Variants in FAM199X observed in about 807,000 individuals in gnomAD.
FAM199X encodes protein FAM199X.
In FAM199X, 4 loss-of-function variants were observed where a neutral mutation model predicts 22.9. The observed-to-expected ratio is 0.17, with a 90% confidence interval of 0.09 to 0.40. FAM199X has a LOEUF of 0.40. Among genes scored for constraint, FAM199X ranks in the 10% least tolerant of loss-of-function variants. The pLI is 1.00. For missense variants in FAM199X, 183 were observed against 306.8 expected (o/e 0.60, Z 3.01); for synonymous variants, 101 against 112.3 (o/e 0.90, Z 0.64).
upstream of FAM199X, among the ~76,000 whole-genome samples, chrX:104,164,396 T>C (rs1232002663): frequency 8.9e-6 from 1 of 112,366 alleles, no homozygotes; most frequent in African/African-American, 3.2e-5. Context: ...GCTAATTCAT[T>C]GTGAAAATAA....
At chrX:104,183,049 T>G (rs1241866564) in intron 2 of FAM199X, among the ~76,000 whole-genome samples, 1 of 111,332 alleles carries the variant, frequency 9.0e-6, no homozygotes, top group African/African-American at 3.3e-5. Context: ...TTAATTACCT[T>G]TTTTACACCC....
the FAM199X span, among the ~76,000 whole-genome samples, chrX:104,157,464 A>ACGC: frequency 3.6e-5 from 4 of 111,343 alleles, no homozygotes; most frequent in Non-Finnish European, 7.5e-5. Context: ...CCACTGTACC[A>ACGC]CTATCTAAAC....
intron 2 of FAM199X, among the ~76,000 whole-genome samples, chrX:104,179,798 A>G (rs900415826): frequency 9.0e-6 from 1 of 110,526 alleles, no homozygotes; most frequent in Non-Finnish European, 1.9e-5. Flanking sequence ...CTATATTCAT[A>G]AGGGATATTG....
Position 104,195,456 on chromosome X carries a change from T to G in FAM199X, c.*5678T>G, listed in dbSNP as rs1302396004. 3 of 111,936 alleles carry G rather than the reference T, an allele frequency of 2.7e-5. No homozygotes were observed. The highest frequency in any genetic ancestry group is 1.9e-4 in the Admixed American group (2 of 10,491). The allele number at this position is 111,936 out of a possible 1,213,427, so 9.2% of individuals were successfully genotyped here. A position where few individuals can be genotyped will look rare whatever the true frequency, so the allele number is the denominator to read the frequency against. On this transcript the variant is annotated 3_prime_UTR_variant, in exon 6 of 6. Transcript: ENST00000493442. Reference sequence around the variant, plus strand: ...ATCAGATTTCTAGAGAGAGCAGATTTCTAGAGAGATTAGCATTCATAGTAA... The same window carrying G: ...ATCAGATTTCTAGAGAGAGCAGATTGCTAGAGAGATTAGCATTCATAGTAA...
chrX:104,172,317 G>A (rs1297430834), intron 1 of FAM199X, among the ~76,000 whole-genome samples: 1 of 107,125 alleles, frequency 9.3e-6, no homozygotes. Context: ...TGCTGGGAAG[G>A]CTGAGGTGAG....
chrX:104,172,363 G>T (rs1014129234), intron 1 of FAM199X, among the ~76,000 whole-genome samples: 2 of 107,912 alleles, frequency 1.9e-5, no homozygotes, highest in Non-Finnish European at 3.8e-5. Context: ...AGCCTGCAGT[G>T]AGCCATGGTC....
chrX:104,175,604 T>C lies in FAM199X; in HGVS notation c.198-19T>C. ...GATTCTGTAGTTCTCTTGATTTCTTTCGTGTTGTGTTTTTGAAGGTGGAAC... is the reference window on the plus strand; with the variant it reads ...GATTCTGTAGTTCTCTTGATTTCTTCCGTGTTGTGTTTTTGAAGGTGGAAC... On this transcript the variant is annotated intron_variant, in intron 1 of 5. Transcript: ENST00000493442. 2 of 1,179,845 alleles carry C rather than the reference T, an allele frequency of 1.7e-6. No homozygotes were observed. The highest frequency in any genetic ancestry group is 2.3e-6 in the Non-Finnish European group (2 of 870,150).
intron 2 of FAM199X, among the ~76,000 whole-genome samples, chrX:104,182,572 T>C (rs1556378145): frequency 1.8e-5 from 2 of 111,834 alleles, no homozygotes; most frequent in Non-Finnish European, 3.8e-5. Flanking sequence ...TTAATCATAT[T>C]GACATATGAT....
intron 2 of FAM199X, among the ~76,000 whole-genome samples, chrX:104,184,147 A>G (rs1921735132): frequency 8.9e-6 from 1 of 112,365 alleles, no homozygotes; most frequent in African/African-American, 3.2e-5. Flanking sequence ...GTGTTATTGT[A>G]TTACTTTCCC....
Position 104,186,168 on chromosome X carries a change from C to G in FAM199X, c.520C>G (p.Arg174Gly), listed in dbSNP as rs781966952. The change falls in exon 3 of 6, where the codon CGG becomes GGG. Residue 174 changes from arginine to glycine, a missense_variant. Arg to Gly is a moderately radical substitution (Grantham distance 125). Around this residue, in one of 2 missense-constraint regions of FAM199X, gnomAD observed 128 missense variants for 246.2 expected, o/e 0.52. Coordinates refer to ENST00000493442, the MANE Select transcript of FAM199X (RefSeq NM_207318.4). ...CLLPKKKNKH[R>G]NLDELPWSAM... ...GCTTCCTAAAAAGAAAAACAAGCAC[C>G]GGAATTTAGATGAACTCCCTTGGAG... 1 of 1,210,502 alleles carries G rather than the reference C, an allele frequency of 8.3e-7. No homozygotes were observed. The highest frequency in any genetic ancestry group is 3.0e-5 in the East Asian group (1 of 33,805).
At chrX:104,175,966 C>G in intron 2 of FAM199X, 124 bp downstream of exon 2, 1 of 472,355 alleles carries the variant, frequency 2.1e-6, no homozygotes, top group South Asian at 4.2e-5. Flanking sequence ...CCTGGAGATT[C>G]TCTGACATGT....
chrX:104,186,737 G>A (rs1052544485), intron 4 of FAM199X, 116 bp downstream of exon 4: 27 of 643,638 alleles, frequency 4.2e-5, no homozygotes, highest in African/African-American at 2.5e-4. Context: ...TCACTGCTGC[G>A]AAAGGTAATA....
At chrX:104,184,641 T>A (rs1011474475) in intron 2 of FAM199X, among the ~76,000 whole-genome samples, 3 of 111,530 alleles carry the variant, frequency 2.7e-5, no homozygotes, top group Non-Finnish European at 5.6e-5. Flanking sequence ...CTTAAATTGA[T>A]TTTCTGTATG....
At chrX:104,167,340 T>G (rs1198501484) in intron 1 of FAM199X, among the ~76,000 whole-genome samples, 2 of 105,872 alleles carry the variant, frequency 1.9e-5, no homozygotes, top group African/African-American at 6.9e-5. Flanking sequence ...CTGCAAAAGT[T>G]TAACCCCTTC....
At chrX:104,180,738 A>G (rs1175528975) in intron 2 of FAM199X, among the ~76,000 whole-genome samples, 1 of 112,475 alleles carries the variant, frequency 8.9e-6, no homozygotes, top group Non-Finnish European at 1.9e-5. Context: ...ATCCAAGAAT[A>G]TAATTACAAA....
At chrX:104,165,764 A>G (rs1164663271), upstream of FAM199X, among the ~76,000 whole-genome samples, 4 of 111,457 alleles carry the variant, frequency 3.6e-5, no homozygotes, top group African/African-American at 1.3e-4. Flanking sequence ...GAACAAGTTA[A>G]GCTCCATAAT....
chrX:104,166,177 C>T (rs782385214), upstream of FAM199X, among the ~76,000 whole-genome samples: 6 of 112,938 alleles, frequency 5.3e-5, no homozygotes, highest in Non-Finnish European at 7.5e-5. Flanking sequence ...GATGTTTTCT[C>T]ACGCACCCGC....
chrX:104,175,133 A>G (rs1602516183), intron 1 of FAM199X, among the ~76,000 whole-genome samples: 1 of 112,337 alleles, frequency 8.9e-6, no homozygotes, highest in African/African-American at 3.2e-5. Flanking sequence ...AGAGAGTGTT[A>G]TTTGCTTAAA....
Position 104,166,850 on chromosome X carries a change from C to G in FAM199X, c.65C>G (p.Pro22Arg), listed in dbSNP as rs782443781. 2 of 1,208,644 alleles carry G rather than the reference C, an allele frequency of 1.7e-6. No individual in the cohort carries two copies. The highest frequency in any genetic ancestry group is 6.0e-5 in the East Asian group (2 of 33,410). ...EKFLTPEEPFPLLGPPRGVGT... is the reference protein window; with the variant it reads ...EKFLTPEEPFRLLGPPRGVGT... ...TTTCTAACCCCCGAGGAGCCCTTCC[C>G]ACTCCTGGGACCTCCTCGCGGGGTG... Residue 22 changes from proline to arginine, a missense_variant, in exon 1 of 6, where the codon CCA becomes CGA. Transcript: ENST00000493442.
Sources: gnomAD v4.1 joint callset for allele counts (sites outside exome capture counted in the v4.1 genomes callset) on GRCh38, gnomAD v4.1.1 for gene constraint, gnomAD v4.1.1 regional missense constraint, MANE v1.5 for transcripts, NCBI Gene and HGNC (gene_info 2026-07-23, HGNC 2026-07-21) for gene names.